KCND2: variants seen among roughly 807,000 people sequenced by gnomAD.
KCND2 encodes potassium voltage-gated channel subfamily D member 2, also known as A-type voltage-gated potassium channel KCND2.
Under a neutral mutation model 54.4 loss-of-function variants are expected in KCND2, and 16 were observed. The ratio of observed to expected loss-of-function variants is 0.29; its 90% confidence interval spans 0.20 to 0.45. The LOEUF is 0.45. Ranked by LOEUF, KCND2 falls within the 20% of genes least tolerant of loss-of-function variation. The pLI, the probability that KCND2 is intolerant of heterozygous loss-of-function variation, is 1.00. For missense variants in KCND2, 486 were observed against 824.2 expected (o/e 0.59, Z 5.02); for synonymous variants, 317 against 310.7 (o/e 1.02, Z -0.21).
In KCND2 at chr7:120,750,051, CT is replaced by C. The variant is rs1181255330; in HGVS notation, c.*2197del. ...ACCCAAAATTATTAATTTTATTAGGCTTTTGGAAAAGAAAAAAAACTTTTTG... is the reference window on the plus strand; with the variant it reads ...ACCCAAAATTATTAATTTTATTAGGCTTTGGAAAAGAAAAAAAACTTTTTG... On this transcript the variant is annotated 3_prime_UTR_variant, in exon 6 of 6. Coordinates refer to ENST00000331113, the MANE Select transcript of KCND2 (RefSeq NM_012281.3). 4 of 151,848 alleles carry C rather than the reference CT, an allele frequency of 2.6e-5. No individual in the cohort carries two copies. Among genetic ancestry groups the C allele is most frequent in the Non-Finnish European group, 5.9e-5 (4 of 67,812 alleles). The allele number at this position is 151,848 out of a possible 1,614,324, so 9.4% of individuals were successfully genotyped here.
At chr7:120,330,976 A>G (rs1243497463) in intron 1 of KCND2, among the ~76,000 whole-genome samples, 1 of 152,174 alleles carries the variant, frequency 6.6e-6, no homozygotes, top group Non-Finnish European at 1.5e-5. Flanking sequence ...CCAACTGAAG[A>G]TTGAAATAAA....
intron 1 of KCND2, among the ~76,000 whole-genome samples, chr7:120,369,137 T>A (rs958455800): frequency 6.6e-5 from 10 of 152,004 alleles, no homozygotes; most frequent in Admixed American, 6.6e-4. Context: ...TTGAGATTTT[T>A]TTTTTTAAAT....
At position 120,365,135 on chromosome 7, in the gene KCND2, A is replaced by G. The variant is rs1047325925; in HGVS notation, c.1115+89388A>G. On this transcript the variant is annotated intron_variant, in intron 1 of 5. Transcript: ENST00000331113. Reference sequence around the variant, plus strand: ...TTATTTCTTCGTATTTTGCTTTGAGATGAAATTAAGGAAGGGAAAATGGAG... The same window carrying G: ...TTATTTCTTCGTATTTTGCTTTGAGGTGAAATTAAGGAAGGGAAAATGGAG... 2.0e-5 allele frequency among the ~76,000 whole-genome samples: 3 copies of G among 148,758 alleles called. No individual in the cohort carries two copies. In the South Asian group the frequency reaches 6.5e-4, roughly 32 times the overall value.
chr7:120,475,304 A>G (rs1802517628), intron 1 of KCND2, among the ~76,000 whole-genome samples: 2 of 152,224 alleles, frequency 1.3e-5, no homozygotes, highest in Non-Finnish European at 2.9e-5. Flanking sequence ...AGAATGATAA[A>G]GTTAACTAAC....
chr7:120,694,145 C>T (rs1183255693), intron 1 of KCND2, among the ~76,000 whole-genome samples: 1 of 152,206 alleles, frequency 6.6e-6, no homozygotes, highest in Non-Finnish European at 1.5e-5. Context: ...TTGATGCCTC[C>T]TTTCCTAAGC....
chr7:120,578,396 C>T (rs1312136763), intron 1 of KCND2, among the ~76,000 whole-genome samples: 1 of 152,174 alleles, frequency 6.6e-6, no homozygotes, highest in Non-Finnish European at 1.5e-5. Context: ...TTTATACTGC[C>T]TTTAAAGTGC....
At chr7:120,497,757 C>T (rs1190329824) in intron 1 of KCND2, among the ~76,000 whole-genome samples, 1 of 152,188 alleles carries the variant, frequency 6.6e-6, no homozygotes, top group Non-Finnish European at 1.5e-5. Flanking sequence ...CAGAAGCTGA[C>T]ACACAGGACA....
At chr7:120,420,099 T>C (rs997655269) in intron 1 of KCND2, among the ~76,000 whole-genome samples, 1 of 152,094 alleles carries the variant, frequency 6.6e-6, no homozygotes, top group Non-Finnish European at 1.5e-5. Flanking sequence ...TTTCTTTTTT[T>C]TAAATGCTGG....
intron 1 of KCND2, among the ~76,000 whole-genome samples, chr7:120,652,018 G>A (rs1791740806): frequency 6.6e-6 from 1 of 151,838 alleles, no homozygotes; most frequent in African/African-American, 2.4e-5. Flanking sequence ...CTACTTCTCT[G>A]CCTTCCAAAT....
chr7:120,494,080 AAT>A (rs986020867), intron 1 of KCND2, among the ~76,000 whole-genome samples: 86 of 152,294 alleles, frequency 5.6e-4, no homozygotes, highest in African/African-American at 2.0e-3. Context: ...CGACCTAAAC[AAT>A]ATATTAGGAA....
intron 1 of KCND2, among the ~76,000 whole-genome samples, chr7:120,645,563 C>G (rs1793430570): frequency 6.6e-6 from 1 of 152,224 alleles, no homozygotes; most frequent in South Asian, 2.1e-4. Flanking sequence ...TGTCCCATGG[C>G]TGACCACATA....
In KCND2 at chr7:120,558,437, C is replaced by T. The variant is rs143636344; in HGVS notation, c.1116-174466C>T. Among the ~76,000 whole-genome samples, 6 of 152,214 alleles carry T rather than the reference C, an allele frequency of 3.9e-5. No homozygotes were observed. In the East Asian group the frequency reaches 9.6e-4, roughly 24 times the overall value. The stretch of plus-strand genomic sequence containing the variant: ...CTATTCCTTCTACACACAAACACAT[C>T]CTCACCCTAACTGTTCACCCGCAGT... On this transcript the variant is annotated intron_variant, in intron 1 of 5. Coordinates refer to ENST00000331113, the MANE Select transcript of KCND2 (RefSeq NM_012281.3).
chr7:120,543,528 G>T (rs889964353), intron 1 of KCND2, among the ~76,000 whole-genome samples: 2 of 151,944 alleles, frequency 1.3e-5, no homozygotes, highest in African/African-American at 4.8e-5. Context: ...TGTTCAGCTG[G>T]TTAAATACTT....
At position 120,747,757 on chromosome 7, in the gene KCND2, A is replaced by G. The variant is rs1203573068; in HGVS notation, c.1792A>G (p.Ile598Val). 6.2e-7 allele frequency: 1 copy of G among 1,612,490 alleles called. No individual in the cohort carries two copies. The highest frequency in any genetic ancestry group is 1.7e-5 in the Admixed American group (1 of 59,902). The change falls in exon 6 of 6, where the codon ATA (isoleucine) becomes GTA (valine). Residue 598 changes from isoleucine (I) to valine (V), a missense_variant. Physicochemically the swap from Ile to Val is conservative, Grantham distance 29. This residue lies in a region of KCND2 where 202 missense variants were observed against 252.7 expected (regional missense o/e 0.80). Coordinates refer to ENST00000331113, the MANE Select transcript of KCND2 (RefSeq NM_012281.3). ...CEQPYVTTAI[I>V]SIPTPPVTTP... ...ACAACCTTATGTGACTACAGCAATA[A>G]TAAGCATCCCAACACCTCCAGTAAC...
chr7:120,512,851 G>A (rs984801260), intron 1 of KCND2, among the ~76,000 whole-genome samples: 2 of 148,792 alleles, frequency 1.3e-5, no homozygotes, highest in African/African-American at 5.0e-5. Flanking sequence ...CCAGGCTGCA[G>A]TGGTGCTATC....
intron 1 of KCND2, among the ~76,000 whole-genome samples, chr7:120,389,915 C>T (rs773413686): frequency 1.3e-5 from 2 of 151,850 alleles, no homozygotes; most frequent in African/African-American, 2.4e-5. Flanking sequence ...CTCCCTTGAT[C>T]ACCTATTAAT....
intron 1 of KCND2, among the ~76,000 whole-genome samples, chr7:120,453,600 T>A (rs1245272860): frequency 1.3e-5 from 2 of 152,028 alleles, no homozygotes; most frequent in Non-Finnish European, 2.9e-5. Flanking sequence ...AAAATAGAAA[T>A]CAATACTAAG....
intron 1 of KCND2, among the ~76,000 whole-genome samples, chr7:120,349,895 T>C (rs1800376868): frequency 6.6e-6 from 1 of 152,174 alleles, no homozygotes; most frequent in Non-Finnish European, 1.5e-5. Flanking sequence ...TGATTTTTAC[T>C]ACTTATTCTC....
At chr7:120,658,647 A>G (rs937873650) in intron 1 of KCND2, among the ~76,000 whole-genome samples, 1 of 152,148 alleles carries the variant, frequency 6.6e-6, no homozygotes, top group Admixed American at 6.5e-5. Context: ...CAACATTCAA[A>G]CCTTGAAAGA....
Sources: allele counts gnomAD v4.1 joint callset (sites outside exome capture counted in the v4.1 genomes callset), GRCh38; gene constraint gnomAD v4.1.1; regional missense constraint gnomAD v4.1.1; transcripts MANE v1.5; gene names NCBI Gene and HGNC (gene_info 2026-07-23, HGNC 2026-07-21).